Variants in CCNA2 observed in about 807,000 individuals in gnomAD.
CCNA2 encodes the protein cyclin-A2.
Under a neutral mutation model 49.4 loss-of-function variants are expected in CCNA2, and 3 were observed. That is an observed-to-expected ratio of 0.06 (90% CI 0.03 to 0.16). The LOEUF (loss-of-function observed/expected upper bound fraction) is 0.16, where lower values mean the gene tolerates loss of function less well. Ranked by LOEUF, CCNA2 falls within the 10% of genes least tolerant of loss-of-function variation. CCNA2 has a pLI of 1.00. For missense variants in CCNA2, 372 were observed against 519.7 expected, an observed-to-expected ratio of 0.72 and a Z score of 2.76; for synonymous variants, 206 against 197.2, an observed-to-expected ratio of 1.04 and a Z score of -0.37.
At position 121,819,687 on chromosome 4, in the gene CCNA2, C is replaced by T. The variant is rs896725318; in HGVS notation, c.795-108G>A. Reference sequence around the variant, plus strand: ...ATATGGAATGAATCCAAAATCCACACCAACTGCATTTCCAGACACTTGATC... The same window carrying T: ...ATATGGAATGAATCCAAAATCCACATCAACTGCATTTCCAGACACTTGATC... On this transcript the variant is annotated intron_variant, in intron 4 of 7. Coordinates refer to ENST00000274026, the MANE Select transcript of CCNA2 (RefSeq NM_001237.5). 11 of 705,322 alleles carry T rather than the reference C, an allele frequency of 1.6e-5. No individual in the cohort carries two copies. The African/African-American group carries it at 2.0e-4, about 13-fold the overall frequency. The allele number at this position is 705,322 out of a possible 1,614,324, so 43.7% of individuals were successfully genotyped here.
At chr4:121,817,976 T>G in intron 7 of CCNA2, 68 bp downstream of exon 7, 1 of 1,471,252 alleles carries the variant, frequency 6.8e-7, no homozygotes, top group Admixed American at 1.9e-5. Context: ...ATGAATAAGG[T>G]TAAAATGTCA....
Position 121,816,542 on chromosome 4 carries a change from T to TAAAC in CCNA2, c.*1092_*1095dup, listed in dbSNP as rs1239858198. ...TTACTCTCATCTTGCCACATGACTA[T>TAAAC]AAACAAAAAGACATCCCTTTTTCAT... On this transcript the variant is annotated 3_prime_UTR_variant, in exon 8 of 8. Coordinates refer to ENST00000274026, the MANE Select transcript of CCNA2 (RefSeq NM_001237.5). 1.1e-6 allele frequency: 1 copy of TAAAC among 895,998 alleles called. No homozygotes were observed. Among genetic ancestry groups the TAAAC allele is most frequent in the Non-Finnish European group, 1.7e-6 (1 of 591,270 alleles). 55.5% of individuals were successfully genotyped at this position (895,998 alleles called of 1,614,324 possible).
rs1383359991 is a variant in CCNA2 at position 121,817,505 on chromosome 4, A to AGAT, written c.*130_*132dup. ...AAATTAAAACCATTTAAAAAGTAAT[A>AGAT]GATACCATAATTTGTACTTGGCCAC... On this transcript the variant is annotated 3_prime_UTR_variant, in exon 8 of 8. Coordinates refer to ENST00000274026, the MANE Select transcript of CCNA2 (RefSeq NM_001237.5). The AGAT allele has an allele frequency of 2.9e-5, 29 of 995,702 alleles. No homozygotes were observed. The African/African-American group carries it at 4.4e-4, about 15-fold the overall frequency. The allele number at this position is 995,702 out of a possible 1,614,324, so 61.7% of individuals were successfully genotyped here.
intron 5 of CCNA2, among the ~76,000 whole-genome samples, chr4:121,819,122 A>G (rs1184179914): frequency 6.6e-6 from 1 of 152,120 alleles, no homozygotes; most frequent in African/African-American, 2.4e-5. Flanking sequence ...TTAACTTTTA[A>G]AAAACAACTC....
At chr4:121,819,278 G>C in intron 5 of CCNA2, 94 bp downstream of exon 5, 1 of 898,734 alleles carries the variant, frequency 1.1e-6, no homozygotes, top group East Asian at 2.5e-5. Flanking sequence ...CACCACTGCT[G>C]TACAAAGGAA....
chr4:121,821,330 C>G (rs1724688388), intron 2 of CCNA2, among the ~76,000 whole-genome samples: 1 of 151,362 alleles, frequency 6.6e-6, no homozygotes, highest in Admixed American at 6.6e-5. Flanking sequence ...TGGTAGGCCC[C>G]TAACAGGAAA....
intron 1 of CCNA2, among the ~76,000 whole-genome samples, 165 bp from the exon 2 acceptor site, chr4:121,822,811 C>A (rs1213199614): frequency 6.6e-6 from 1 of 152,164 alleles, no homozygotes; most frequent in Non-Finnish European, 1.5e-5. Flanking sequence ...CCATTTGTCA[C>A]AGGCATTCCC....
Position 121,822,572 on chromosome 4 carries a change from C to A in CCNA2, c.288G>T (p.Gln96His), listed in dbSNP as rs912876216. ...CATCCACATGAATGGTGAACGCAGGCTGTTTACTGTTTGCTTTCCAAGGAG... is the reference window on the plus strand; with the variant it reads ...CATCCACATGAATGGTGAACGCAGGATGTTTACTGTTTGCTTTCCAAGGAG... ...TVPPWKANSKQPAFTIHVDEA... is the reference protein window; with the variant it reads ...TVPPWKANSKHPAFTIHVDEA... Residue 96 changes from glutamine (Q) to histidine (H), a missense_variant, in exon 2 of 8, where the codon CAG (glutamine) becomes CAT (histidine). By Grantham distance (24) the Gln-to-His change is conservative (BLOSUM62 0). Coordinates refer to ENST00000274026, the MANE Select transcript of CCNA2 (RefSeq NM_001237.5). 1 of 1,613,976 alleles carries A rather than the reference C, an allele frequency of 6.2e-7. No individual in the cohort carries two copies. The highest frequency in any genetic ancestry group is 1.3e-5 in the African/African-American group (1 of 74,894).
chr4:121,823,571 C>G lies in CCNA2; in HGVS notation c.58G>C (p.Ala20Pro). Residue 20 changes from alanine (A) to proline (P), a missense_variant, in exon 1 of 8, where the codon GCA (alanine) becomes CCA (proline). By Grantham distance (27) the Ala-to-Pro change is conservative. Coordinates refer to ENST00000274026, the MANE Select transcript of CCNA2 (RefSeq NM_001237.5). ...ATREAGSALL[A>P]LQQTALQEDQ... is the part of the protein sequence containing the mutation. The stretch of plus-strand genomic sequence containing the variant: ...TCTTGGAGCGCCGTCTGCTGCAATG[C>G]TAGCAGCGCCGAGCCCGCCTCGCGG... The G allele has an allele frequency of 6.2e-7, 1 of 1,609,506 alleles. No individual in the cohort carries two copies. The highest frequency in any genetic ancestry group is 8.5e-7 in the Non-Finnish European group (1 of 1,178,926).
Position 121,817,690 on chromosome 4 carries a change from T to C in CCNA2, c.1251-4A>G. 4 of 1,613,614 alleles carry C rather than the reference T, an allele frequency of 2.5e-6. No individual in the cohort carries two copies. Among genetic ancestry groups the C allele is most frequent in the Non-Finnish European group, 3.4e-6 (4 of 1,179,864 alleles). ...GAGGAGAGAAACACCATGATACCTG[T>C]AAGTAGGGAAAAAAAAAGCATTTTT... On this transcript the variant is annotated splice_region_variant and splice_polypyrimidine_tract_variant and intron_variant, in intron 7 of 7. Transcript: ENST00000274026.
At position 121,817,190 on chromosome 4, in the gene CCNA2, G is replaced by GAT. The variant is rs993344461; in HGVS notation, c.*446_*447dup. 6 of 241,002 alleles carry GAT rather than the reference G, an allele frequency of 2.5e-5. No individual in the cohort carries two copies. The highest frequency in any genetic ancestry group is 1.0e-4 in the Admixed American group (2 of 19,730). The allele number at this position is 241,002 out of a possible 1,614,324, so 14.9% of individuals were successfully genotyped here. A position where few individuals can be genotyped will look rare whatever the true frequency, so the allele number is the denominator to read the frequency against. On this transcript the variant is annotated 3_prime_UTR_variant, in exon 8 of 8. Coordinates refer to ENST00000274026, the MANE Select transcript of CCNA2 (RefSeq NM_001237.5). ...ACTGTATTCAGATATGCTTAGATTAGATTATGCCCAAGTCAGCAAATTGAT... is the reference window on the plus strand; with the variant it reads ...ACTGTATTCAGATATGCTTAGATTAGATATTATGCCCAAGTCAGCAAATTGAT...
chr4:121,816,883 T>TAA lies in CCNA2; in HGVS notation c.*753_*754dup. 2 of 1,512,238 alleles carry TAA rather than the reference T, an allele frequency of 1.3e-6. No individual in the cohort carries two copies. The highest frequency in any genetic ancestry group is 1.8e-6 in the Non-Finnish European group (2 of 1,124,156). 93.7% of individuals were successfully genotyped at this position (1,512,238 alleles called of 1,614,324 possible). ...GCTAACAGTTGTATATCTGTATATA[T>TAA]AACTATTAAAAGGGATATTTATTCC... On this transcript the variant is annotated 3_prime_UTR_variant, in exon 8 of 8. Transcript: ENST00000274026.
intron 5 of CCNA2, 123 bp downstream of exon 5, chr4:121,819,249 T>G: frequency 1.4e-6 from 1 of 703,344 alleles, no homozygotes; most frequent in Non-Finnish European, 2.4e-6. Context: ...TTAATCTCCC[T>G]CTGAATACTA....
Position 121,822,689 on chromosome 4 carries a change from C to T in CCNA2, c.214-43G>A, listed in dbSNP as rs149937033. 1.1e-5 allele frequency: 17 copies of T among 1,591,574 alleles called. No homozygotes were observed. The East Asian group carries it at 3.4e-4, about 31-fold the overall frequency. ...ACTGGCTTTGAGCCTACTAGTCTTGCATTCTTTCTCTTATGGGTGTTGGCC... is the reference window on the plus strand; with the variant it reads ...ACTGGCTTTGAGCCTACTAGTCTTGTATTCTTTCTCTTATGGGTGTTGGCC... On this transcript the variant is annotated intron_variant, in intron 1 of 7. Coordinates refer to ENST00000274026, the MANE Select transcript of CCNA2 (RefSeq NM_001237.5).
Position 121,821,022 on chromosome 4 carries a change from G to A in CCNA2, c.527C>T (p.Pro176Leu). 1.2e-6 allele frequency: 2 copies of A among 1,612,978 alleles called. No homozygotes were observed. The highest frequency in any genetic ancestry group is 1.7e-6 in the Non-Finnish European group (2 of 1,179,160). The change falls in exon 3 of 8, where the codon CCA becomes CTA. Residue 176 changes from proline to leucine, a missense_variant. By Grantham distance (98) the Pro-to-Leu change is moderately conservative. Around this residue, in one of 2 missense-constraint regions of CCNA2, gnomAD observed 217 missense variants for 231.7 expected, o/e 0.94. Coordinates refer to ENST00000274026, the MANE Select transcript of CCNA2 (RefSeq NM_001237.5). ...TGTGTGAATATCCTCATGGTAGTCT[G>A]GTACTTCATTAACACTCACTGGCTT... Reference protein sequence around the residue: ...DEKPVSVNEVPDYHEDIHTYL... With the variant: ...DEKPVSVNEVLDYHEDIHTYL...
At chr4:121,823,201 A>T (rs1029924768) in intron 1 of CCNA2, among the ~76,000 whole-genome samples, 3 of 152,130 alleles carry the variant, frequency 2.0e-5, no homozygotes, top group African/African-American at 7.2e-5. Context: ...TATAGAGAGC[A>T]GACCGGCAGC....
Position 121,818,707 on chromosome 4 carries a change from C to G in CCNA2, c.1116+93G>C, listed in dbSNP as rs946636410. 7.3e-6 allele frequency: 6 copies of G among 816,648 alleles called. No homozygotes were observed. In the African/African-American group the frequency reaches 8.6e-5, roughly 12 times the overall value. The allele number at this position is 816,648 out of a possible 1,614,324, so 50.6% of individuals were successfully genotyped here. On this transcript the variant is annotated intron_variant, in intron 6 of 7. Transcript: ENST00000274026. ...TTGAAGTTTTTCCAAGTAAGAACAT[C>G]TAGGCAACCCTCAGTTTTGTAGGAC...
chr4:121,818,207 GT>G, intron 6 of CCNA2, 30 bp from the exon 7 acceptor site: 1 of 1,596,288 alleles, frequency 6.3e-7, no homozygotes, highest in Non-Finnish European at 8.5e-7. Context: ...GAACCCCTGA[GT>G]TTTGCTTTTA....
intron 1 of CCNA2, among the ~76,000 whole-genome samples, 181 bp from the exon 2 acceptor site, chr4:121,822,827 G>A (rs1224790564): frequency 6.6e-6 from 1 of 152,094 alleles, no homozygotes; most frequent in Admixed American, 6.5e-5. Flanking sequence ...TTCCCACAAA[G>A]GCTATCAATA....
Sources: allele counts gnomAD v4.1 joint callset (sites outside exome capture counted in the v4.1 genomes callset), GRCh38; gene constraint gnomAD v4.1.1; regional missense constraint gnomAD v4.1.1; transcripts MANE v1.5; gene names NCBI Gene and HGNC (gene_info 2026-07-23, HGNC 2026-07-21).